The following PCNX2 variants were observed in gnomAD, a reference collection of about 807,000 sequenced individuals.
PCNX2 encodes pecanex-like protein 2.
PCNX2 carries 168 observed loss-of-function variants against 223.8 expected under a neutral mutation model. The observed-to-expected ratio is 0.75, with a 90% CI of 0.66 to 0.85. PCNX2 has a LOEUF of 0.85. Ranked by LOEUF, PCNX2 falls within the 40% of genes least tolerant of loss-of-function variation. PCNX2 has a pLI of 0.00. For synonymous variants in PCNX2, 1,006 were observed against 1,052.6 expected, an observed-to-expected ratio of 0.96 and a Z score of 0.86; for missense variants, 2,507 against 2,675.5, an observed-to-expected ratio of 0.94 and a Z score of 1.39.
At chr1:233,084,146 A>G (rs1673486510) in intron 23 of PCNX2, among the ~76,000 whole-genome samples, 2 of 152,210 alleles carry the variant, frequency 1.3e-5, no homozygotes, top group Admixed American at 6.5e-5. Flanking sequence ...CTCACAGACA[A>G]AGTAACGTCC....
At chr1:233,075,277 T>C (rs941704447) in intron 23 of PCNX2, among the ~76,000 whole-genome samples, 3 of 152,164 alleles carry the variant, frequency 2.0e-5, no homozygotes, top group Non-Finnish European at 4.4e-5. Flanking sequence ...ACATACAACT[T>C]GGATGAATCT....
chr1:233,119,814 C>G (rs959015636), intron 21 of PCNX2, among the ~76,000 whole-genome samples: 1 of 151,798 alleles, frequency 6.6e-6, no homozygotes, highest in Non-Finnish European at 1.5e-5. Context: ...AAGGAAAAAA[C>G]AAGCTACAGA....
intron 21 of PCNX2, among the ~76,000 whole-genome samples, chr1:233,133,972 T>C (rs1054414675): frequency 6.6e-6 from 1 of 152,138 alleles, no homozygotes; most frequent in African/African-American, 2.4e-5. Flanking sequence ...TTATTTTTGT[T>C]ACCTAAGAGA....
Position 233,221,384 on chromosome 1 carries a change from G to GA in PCNX2, c.2505-3201dup, listed in dbSNP as rs575434174. On this transcript the variant is annotated intron_variant, in intron 10 of 33. Coordinates refer to ENST00000258229, the MANE Select transcript of PCNX2 (RefSeq NM_014801.4). ...AAGGTCTTTGAAATAAAATTTCAAA[G>GA]AAAAAAAAAACCTTTTTCTGTTTGG... is the stretch of plus-strand genomic sequence containing the variant. Among the ~76,000 whole-genome samples, 1,022 of 147,186 alleles carry GA rather than the reference G, an allele frequency of 6.9e-3. 3 individuals are homozygous for GA. Among genetic ancestry groups the GA allele is most frequent in the Non-Finnish European group, 0.011 (703 of 66,408 alleles).
chr1:233,007,512 ATG>A (rs1229746711), intron 28 of PCNX2, among the ~76,000 whole-genome samples: 2 of 151,976 alleles, frequency 1.3e-5, no homozygotes, highest in Non-Finnish European at 2.9e-5. Context: ...TGCTTTTATA[ATG>A]TGTAACTGGA....
intron 9 of PCNX2, among the ~76,000 whole-genome samples, chr1:233,235,598 G>GTGTTTGTTTGTT (rs58700930): frequency 9.2e-5 from 14 of 151,954 alleles, no homozygotes; most frequent in African/African-American, 3.4e-4. Context: ...AATGTATTTT[G>GTGTTTGTTTGTT]TGTTTGTTTG....
At chr1:232,988,695 T>C (rs191205607) in intron 32 of PCNX2, among the ~76,000 whole-genome samples, 43 of 152,300 alleles carry the variant, frequency 2.8e-4, no homozygotes, top group Admixed American at 2.7e-3. Flanking sequence ...CTTAGTAATA[T>C]GAGAACACAG....
chr1:233,306,121 CA>C, the PCNX2 span, among the ~76,000 whole-genome samples: 1 of 152,070 alleles, frequency 6.6e-6, no homozygotes, highest in Non-Finnish European at 1.5e-5. Context: ...GTACTAATAT[CA>C]GACAAAATAG....
At chr1:233,265,545 A>G (rs1660286557) in intron 1 of PCNX2, among the ~76,000 whole-genome samples, 1 of 152,232 alleles carries the variant, frequency 6.6e-6, no homozygotes, top group African/African-American at 2.4e-5. Flanking sequence ...ATATGTCTAT[A>G]AGATGATGCA....
chr1:233,154,999 G>T (rs540162470), intron 19 of PCNX2, among the ~76,000 whole-genome samples: 2 of 151,780 alleles, frequency 1.3e-5, no homozygotes, highest in Admixed American at 6.6e-5. Context: ...AACCCAGAGG[G>T]TGGAAGTTGG....
intron 32 of PCNX2, among the ~76,000 whole-genome samples, chr1:232,986,981 C>G (rs1255799740): frequency 1.3e-5 from 2 of 152,222 alleles, no homozygotes. Context: ...CCATGCTCAT[C>G]CGATCAGCAG....
chr1:233,311,668 C>T, the PCNX2 span, among the ~76,000 whole-genome samples: 178 of 152,284 alleles, frequency 1.2e-3, no homozygotes, highest in African/African-American at 4.1e-3. Flanking sequence ...GTTACTGCAG[C>T]TTAGCCTATC....
chr1:233,086,626 GTGCCACTGCACTCCA>G (rs1673618279), intron 23 of PCNX2, among the ~76,000 whole-genome samples: 2 of 151,940 alleles, frequency 1.3e-5, no homozygotes, highest in African/African-American at 4.8e-5. Context: ...AGTGGAGATC[GTGCCACTGCACTCCA>G]GCCTGGGCAA....
Position 233,000,440 on chromosome 1 carries a change from G to A in PCNX2, c.5193C>T (p.Gly1731=), listed in dbSNP as rs370919429. 490 of 1,598,136 alleles carry A rather than the reference G, an allele frequency of 3.1e-4. 1 individual carries two copies. Among genetic ancestry groups the A allele is most frequent in the Middle Eastern group, 6.7e-4 (4 of 5,992 alleles). ...FEKKVVICHE[G]DPAWRGAVLS... ...GCACTGCGCCCCGCCAGGCCGGGTC[G>A]CCCTCGTGGCAGATGACCACCTTCT... The change falls in exon 30 of 34, where the codon GGC becomes GGT. Residue 1731 remains glycine, a synonymous_variant. Transcript: ENST00000258229. This position sits in a 1 kb window ranked among gnomAD's most constrained non-coding sequence, Gnocchi z 4.6.
At chr1:233,249,548 C>T (rs908556894) in intron 8 of PCNX2, among the ~76,000 whole-genome samples, 1 of 152,178 alleles carries the variant, frequency 6.6e-6, no homozygotes, top group African/African-American at 2.4e-5. Context: ...ACTTTGCATG[C>T]CTGTTGGCTG....
At chr1:233,157,172 C>A (rs905320899) in intron 19 of PCNX2, among the ~76,000 whole-genome samples, 1 of 152,088 alleles carries the variant, frequency 6.6e-6, no homozygotes, top group African/African-American at 2.4e-5. Context: ...CCTTATGGCT[C>A]TTCTGGGTAG....
intron 18 of PCNX2, 67 bp from the exon 19 acceptor site, chr1:233,160,500 A>G: frequency 6.7e-7 from 1 of 1,489,236 alleles, no homozygotes; most frequent in Non-Finnish European, 9.3e-7. Flanking sequence ...GCCCATGAAT[A>G]ATACATAACA....
rs1383280671 is a variant in PCNX2 at position 233,016,994 on chromosome 1, T to G, written c.4766A>C (p.Gln1589Pro). The part of the protein sequence containing the change: ...NIDDDYVPCL[Q>P]GITRASFCNV... ...GCAGAAGCTAGCTCGTGTGATCCCCTGGAGACACGGGACGTAGTCATCATC... is the reference window on the plus strand; with the variant it reads ...GCAGAAGCTAGCTCGTGTGATCCCCGGGAGACACGGGACGTAGTCATCATC... Residue 1589 changes from glutamine (Q) to proline (P), a missense_variant, in exon 27 of 34, where the codon CAG (glutamine) becomes CCG (proline). Coordinates refer to ENST00000258229, the MANE Select transcript of PCNX2 (RefSeq NM_014801.4). The G allele has an allele frequency of 1.2e-6, 2 of 1,613,996 alleles. No homozygotes were observed. The highest frequency in any genetic ancestry group is 1.7e-5 in the Admixed American group (1 of 60,022).
rs761532809 is a variant in PCNX2 at position 233,252,731 on chromosome 1, T to C, written c.1892A>G (p.His631Arg). Residue 631 changes from histidine to arginine, a missense_variant, in exon 6 of 34, where the codon CAC becomes CGC. By Grantham distance (29) the His-to-Arg change is conservative. Around this residue, in one of 3 missense-constraint regions of PCNX2, gnomAD observed 1,031 missense variants for 1,021.7 expected, o/e 1.01. Transcript: ENST00000258229. The part of the protein sequence containing the change: ...EILENEKPSG[H>R]SSKQGKPDLQ... ...ATCTGGTTTTCCTTGCTTAGAACTG[T>C]GTCCACTGGGCTTTTCATTTTCCAG... 6.2e-7 allele frequency: 1 copy of C among 1,613,846 alleles called. No homozygotes were observed. The highest frequency in any genetic ancestry group is 8.5e-7 in the Non-Finnish European group (1 of 1,179,838).
Sources: allele counts gnomAD v4.1 joint callset (sites outside exome capture counted in the v4.1 genomes callset), GRCh38; gene constraint gnomAD v4.1.1; regional missense constraint gnomAD v4.1.1; non-coding constraint Gnocchi (gnomAD v3.1); transcripts MANE v1.5; gene names NCBI Gene and HGNC (gene_info 2026-07-23, HGNC 2026-07-21).